Variants in KIF13B observed in about 807,000 individuals in gnomAD.
KIF13B encodes the protein kinesin family member 13B.
Under a neutral mutation model 222.0 loss-of-function variants are expected in KIF13B, and 127 were observed. That is an observed-to-expected ratio of 0.57 (90% CI 0.50 to 0.66). The LOEUF (loss-of-function observed/expected upper bound fraction) is 0.66. Among genes scored for constraint, KIF13B ranks in the 30% least tolerant of loss-of-function variants. The pLI is 0.00. For synonymous variants in KIF13B, 976 were observed against 919.0 expected, an observed-to-expected ratio of 1.06 and a Z score of -1.12; for missense variants, 2,173 against 2,379.0, an observed-to-expected ratio of 0.91 and a Z score of 1.80.
At chr8:29,174,318 G>A (rs574779501) in intron 10 of KIF13B, among the ~76,000 whole-genome samples, 57 of 152,106 alleles carry the variant, frequency 3.7e-4, no homozygotes, top group African/African-American at 1.3e-3. Flanking sequence ...ATCCTCCAAA[G>A]TCTTGAATTT....
At chr8:29,258,613 A>G (rs1443878433) in intron 1 of KIF13B, among the ~76,000 whole-genome samples, 1 of 152,024 alleles carries the variant, frequency 6.6e-6, no homozygotes, top group Non-Finnish European at 1.5e-5. Flanking sequence ...TGCTGCCTAA[A>G]CCTGCTTTAC....
intron 1 of KIF13B, chr8:29,250,006 G>A (rs1195672476): frequency 7.8e-6 from 10 of 1,287,498 alleles, no homozygotes; most frequent in African/African-American, 4.6e-5. Context: ...CTCAGGCCCA[G>A]AGGTCCATGA....
intron 2 of KIF13B, among the ~76,000 whole-genome samples, chr8:29,228,270 C>G (rs948168517): frequency 2.0e-5 from 3 of 151,082 alleles, no homozygotes; most frequent in African/African-American, 7.3e-5. Context: ...TCGAGACCAT[C>G]CTGGCTAACA....
In KIF13B at chr8:29,068,030, G is replaced by C. The variant is rs1807077122; in HGVS notation, c.*2474C>G. The C allele has an allele frequency of 6.6e-6, 1 of 152,282 alleles. No homozygotes were observed. Among genetic ancestry groups the C allele is most frequent in the African/African-American group, 2.4e-5 (1 of 41,414 alleles). 9.4% of individuals were successfully genotyped at this position (152,282 alleles called of 1,614,324 possible). ...GGGCCCGAGGGAAGTGGCGGGGTGG[G>C]GCCAGGGATGTTCTGGGCACACAAT... On this transcript the variant is annotated 3_prime_UTR_variant, in exon 40 of 40. Coordinates refer to ENST00000524189, the MANE Select transcript of KIF13B (RefSeq NM_015254.4). This position sits in a 1 kb window ranked among gnomAD's most constrained non-coding sequence, Gnocchi z 4.4.
chr8:29,097,072 A>G (rs1329110823), intron 36 of KIF13B, among the ~76,000 whole-genome samples: 1 of 152,220 alleles, frequency 6.6e-6, no homozygotes, highest in Non-Finnish European at 1.5e-5. Flanking sequence ...TGTTGTCTAC[A>G]AGGCAATCGC....
At chr8:29,241,843 G>C (rs142230342) in intron 2 of KIF13B, among the ~76,000 whole-genome samples, 1 of 151,934 alleles carries the variant, frequency 6.6e-6, no homozygotes, top group African/African-American at 2.4e-5. Context: ...TGCGAAGATT[G>C]AGACAAAATA....
chr8:29,136,407 C>T lies in KIF13B; in HGVS notation c.2614-2197G>A, dbSNP rs868129431. Among the ~76,000 whole-genome samples, 117 of 152,036 alleles carry T rather than the reference C, an allele frequency of 7.7e-4. 1 individual carries two copies. The highest frequency in any genetic ancestry group is 3.4e-3 in the Middle Eastern group (1 of 294). On this transcript the variant is annotated intron_variant, in intron 21 of 39. Coordinates refer to ENST00000524189, the MANE Select transcript of KIF13B (RefSeq NM_015254.4). ...CAGCCTGACCAACATGGAGAAACCC[C>T]GTCTCTACTAAAAACACAAAAAATT...
rs577422742 is a variant in KIF13B at position 29,130,661 on chromosome 8, T to C, written c.2947A>G (p.Ser983Gly). Residue 983 changes from serine to glycine, a missense_variant, in exon 24 of 40, where the codon AGT (serine) becomes GGT (glycine). Coordinates refer to ENST00000524189, the MANE Select transcript of KIF13B (RefSeq NM_015254.4). ...AATTCCAATTTCCTGGTCACTTCAC[T>C]CCATCTAGGAAATAAGCGAAGTTCT... ...AKTRSLRDRWSEVTRKLEFWV... is the reference protein window; with the variant it reads ...AKTRSLRDRWGEVTRKLEFWV... The C allele has an allele frequency of 1.2e-6, 2 of 1,613,816 alleles. No homozygotes were observed. The highest frequency in any genetic ancestry group is 1.7e-6 in the Non-Finnish European group (2 of 1,179,754).
At chr8:29,241,637 T>C (rs1469295662) in intron 2 of KIF13B, among the ~76,000 whole-genome samples, 2 of 145,090 alleles carry the variant, frequency 1.4e-5, no homozygotes, top group African/African-American at 5.1e-5. Context: ...GCTGGTGCCC[T>C]GGGCACAAAG....
chr8:29,203,152 T>G (rs961761413), intron 2 of KIF13B, among the ~76,000 whole-genome samples: 1 of 152,244 alleles, frequency 6.6e-6, no homozygotes, highest in Non-Finnish European at 1.5e-5. Flanking sequence ...TTTACGGGAA[T>G]GTCCAACACA....
chr8:29,069,062 C>A lies in KIF13B; in HGVS notation c.*1442G>T, dbSNP rs537214420. Reference sequence around the variant, plus strand: ...TTGGCGCCTTCAAGTCCCTAGAGAACCAGAGCCTTCCGCAGCGCTTTCTAG... The same window carrying A: ...TTGGCGCCTTCAAGTCCCTAGAGAAACAGAGCCTTCCGCAGCGCTTTCTAG... On this transcript the variant is annotated 3_prime_UTR_variant, in exon 40 of 40. Coordinates refer to ENST00000524189, the MANE Select transcript of KIF13B (RefSeq NM_015254.4). 1 of 152,378 alleles carries A rather than the reference C, an allele frequency of 6.6e-6. No individual in the cohort carries two copies. The highest frequency in any genetic ancestry group is 2.4e-5 in the African/African-American group (1 of 41,586). The allele number at this position is 152,378 out of a possible 1,614,324, so 9.4% of individuals were successfully genotyped here.
chr8:29,196,602 T>A (rs1813433308), intron 2 of KIF13B, among the ~76,000 whole-genome samples: 1 of 152,230 alleles, frequency 6.6e-6, no homozygotes, highest in Non-Finnish European at 1.5e-5. Context: ...AGCAACAGAT[T>A]ACTCTCTTAT....
At chr8:29,212,471 T>C (rs2130480999) in intron 2 of KIF13B, among the ~76,000 whole-genome samples, 1 of 152,312 alleles carries the variant, frequency 6.6e-6, no homozygotes, top group East Asian at 1.9e-4. Flanking sequence ...CTGAGAATCT[T>C]CTAAAGACGT....
At chr8:29,222,515 C>CTTTTTTTTTTTTTTTTTTTTTT (rs58488862) in intron 2 of KIF13B, among the ~76,000 whole-genome samples, 1 of 60,568 alleles carries the variant, frequency 1.7e-5, no homozygotes. Flanking sequence ...CCACACCTGA[C>CTTTTTTTTTTTTTTTTTTTTTT]TTTTTTTTTT....
rs1190303854 is a variant in KIF13B at position 29,075,320 on chromosome 8, C to T, written c.4482G>A (p.Gln1494=). Residue 1494 remains glutamine (Q), a synonymous_variant, in exon 38 of 40, where the codon CAG becomes CAA. Transcript: ENST00000524189. The part of the protein sequence containing the change: ...AHQPVPRIMV[Q]SASPDIRVTR... The stretch of plus-strand genomic sequence containing the variant: ...TCACCCTGATGTCCGGGCTGGCTGA[C>T]TGCACCATGATGCGGGGCACGGGCT... 1 of 1,559,954 alleles carries T rather than the reference C, an allele frequency of 6.4e-7. No homozygotes were observed. Among genetic ancestry groups the T allele is most frequent in the South Asian group, 1.2e-5 (1 of 84,472 alleles).
intron 2 of KIF13B, among the ~76,000 whole-genome samples, chr8:29,215,314 G>A (rs1366056008): frequency 6.6e-6 from 1 of 152,084 alleles, no homozygotes; most frequent in Admixed American, 6.5e-5. Context: ...TAGGGAGGGA[G>A]GCAATAGGAA....
At chr8:29,122,836 A>C (rs1243056161) in intron 28 of KIF13B, among the ~76,000 whole-genome samples, 190 bp from the exon 29 acceptor site, 1 of 152,232 alleles carries the variant, frequency 6.6e-6, no homozygotes, top group Non-Finnish European at 1.5e-5. Flanking sequence ...TCATACCCTG[A>C]CATTTGAACT....
chr8:29,249,398 C>A (rs571528012), intron 1 of KIF13B, among the ~76,000 whole-genome samples: 2 of 149,366 alleles, frequency 1.3e-5, no homozygotes, highest in Non-Finnish European at 3.0e-5. Context: ...CCACTGCACT[C>A]CAGCCTGGGC....
At chr8:29,128,660 T>C (rs1810218288) in intron 24 of KIF13B, among the ~76,000 whole-genome samples, 3 of 152,158 alleles carry the variant, frequency 2.0e-5, no homozygotes, top group Admixed American at 6.5e-5. Flanking sequence ...AAGTGCGCAC[T>C]TGAAGGGAAG....
Sources: gnomAD v4.1 joint callset for allele counts (sites outside exome capture counted in the v4.1 genomes callset) on GRCh38, gnomAD v4.1.1 for gene constraint, Gnocchi (gnomAD v3.1) non-coding constraint, MANE v1.5 for transcripts, NCBI Gene and HGNC (gene_info 2026-07-23, HGNC 2026-07-21) for gene names.